FBXW7: variants seen among roughly 807,000 people sequenced by gnomAD.
FBXW7 encodes the protein F-box and WD repeat domain containing 7.
In FBXW7, 11 loss-of-function variants were observed where a neutral mutation model predicts 86.3. The ratio of observed to expected loss-of-function variants is 0.13; its 90% CI spans 0.08 to 0.21. The LOEUF (loss-of-function observed/expected upper bound fraction) is 0.21. Among genes scored for constraint, FBXW7 ranks in the 10% least tolerant of loss-of-function variants. The pLI is 1.00. For missense variants in FBXW7, 488 were observed against 847.4 expected, an observed-to-expected ratio of 0.58 and a Z score of 5.27; for synonymous variants, 313 against 297.9, an observed-to-expected ratio of 1.05 and a Z score of -0.52.
At chr4:152,511,271 A>G (rs1747938914) in intron 2 of FBXW7, among the ~76,000 whole-genome samples, 1 of 152,038 alleles carries the variant, frequency 6.6e-6, no homozygotes, top group African/African-American at 2.4e-5. Context: ...CACCTGGGTT[A>G]GCATCCTGAC....
At chr4:152,501,763 TTACTC>T (rs777236907) in intron 2 of FBXW7, among the ~76,000 whole-genome samples, 24 of 152,148 alleles carry the variant, frequency 1.6e-4, no homozygotes, top group Non-Finnish European at 3.1e-4. Flanking sequence ...TTAAACAAAA[TTACTC>T]TCTTTTTTTG....
At chr4:152,369,970 A>G (rs1733863829) in intron 4 of FBXW7, among the ~76,000 whole-genome samples, 1 of 152,014 alleles carries the variant, frequency 6.6e-6, no homozygotes, top group African/African-American at 2.4e-5. Context: ...TCCTTTAAAA[A>G]AGCAAGATAT....
At chr4:152,365,094 C>T (rs1733347470) in intron 4 of FBXW7, among the ~76,000 whole-genome samples, 2 of 152,056 alleles carry the variant, frequency 1.3e-5, no homozygotes, top group Admixed American at 1.3e-4. Context: ...GGTGAGGTTT[C>T]CACCTAGTCT....
intron 2 of FBXW7, among the ~76,000 whole-genome samples, chr4:152,481,696 A>T (rs902889902): frequency 6.6e-6 from 1 of 152,194 alleles, no homozygotes; most frequent in Admixed American, 6.5e-5. Context: ...ACCCTCATGG[A>T]TGTGAGGAGC....
At chr4:152,398,089 A>G (rs1442057644) in intron 4 of FBXW7, among the ~76,000 whole-genome samples, 1 of 151,812 alleles carries the variant, frequency 6.6e-6, no homozygotes, top group Non-Finnish European at 1.5e-5. Context: ...AAAAACAAAA[A>G]CCCTAGGTAT....
rs1323350704 is a variant in FBXW7 at position 152,526,765 on chromosome 4, A to G, written c.-120+8176T>C. 2.0e-5 allele frequency among the ~76,000 whole-genome samples: 3 copies of G among 152,218 alleles called. No homozygotes were observed. The East Asian group carries it at 5.8e-4, about 29-fold the overall frequency. ...CACTATCATAATCACTAACTATTCA[A>G]AAACGGATTCTTTTCTGGTCCATGC... On this transcript the variant is annotated intron_variant, in intron 2 of 13. Coordinates refer to ENST00000281708, the MANE Select transcript of FBXW7 (RefSeq NM_001349798.2).
At position 152,413,273 on chromosome 4, in the gene FBXW7, T is replaced by C. The variant is rs576644938; in HGVS notation, c.-119-744A>G. Among the ~76,000 whole-genome samples the C allele has an allele frequency of 2.6e-5, 4 of 152,188 alleles. No individual in the cohort carries two copies. The South Asian group carries it at 6.2e-4, about 24-fold the overall frequency. The stretch of plus-strand genomic sequence containing the variant: ...TGTCAAGATATATCAAATATTAATA[T>C]AGAACTTATTATTTTATCGGTAACT... On this transcript the variant is annotated intron_variant, in intron 2 of 13. Coordinates refer to ENST00000281708, the MANE Select transcript of FBXW7 (RefSeq NM_001349798.2).
At chr4:152,468,725 A>G (rs78974257) in intron 2 of FBXW7, among the ~76,000 whole-genome samples, 2,084 of 152,258 alleles carry the variant, frequency 0.014, 26 homozygotes, top group Middle Eastern at 0.037. Context: ...CTCCTGGTAT[A>G]TAAATTTCAT....
intron 2 of FBXW7, among the ~76,000 whole-genome samples, chr4:152,460,152 T>C (rs1338991807): frequency 3.9e-5 from 6 of 152,228 alleles, no homozygotes; most frequent in Non-Finnish European, 8.8e-5. Context: ...TTTACCACAT[T>C]TTTAAGTTTT....
rs200879984 is a variant in FBXW7, at chr4:152,435,056, C to T, written c.-119-22527G>A. ...ATGCAAAAGGTTTGGAAACTACTAA[C>T]GAGAGGCCTGGGGAGGGGAGGGGAG... On this transcript the variant is annotated intron_variant, in intron 2 of 13. Transcript: ENST00000281708. 8.8e-4 allele frequency among the ~76,000 whole-genome samples: 67 copies of T among 76,446 alleles called. No individual in the cohort carries two copies. In the East Asian group the frequency reaches 0.014, roughly 16 times the overall value. 50.2% of individuals were successfully genotyped at this position (76,446 alleles called of 152,430 possible). A position where few individuals can be genotyped will look rare whatever the true frequency, so the allele number is the denominator to read the frequency against.
intron 6 of FBXW7, among the ~76,000 whole-genome samples, chr4:152,346,431 T>A (rs1040159563): frequency 1.3e-5 from 2 of 152,120 alleles, no homozygotes; most frequent in Non-Finnish European, 2.9e-5. Flanking sequence ...ATAAAAAAAA[T>A]GTCAGTGCAC....
In FBXW7 at chr4:152,352,461, C is replaced by T. The variant is rs757157017; in HGVS notation, c.502-2337G>A. ...ATCACATAGCATAGGAAGAAAACAG[C>T]TTACTTACTTTGTAAAAAATCATTT... On this transcript the variant is annotated intron_variant, in intron 4 of 13. Transcript: ENST00000281708. 23 of 1,613,606 alleles carry T rather than the reference C, an allele frequency of 1.4e-5. 1 individual carries two copies. In the South Asian group the frequency reaches 2.5e-4, roughly 18 times the overall value.
intron 4 of FBXW7, among the ~76,000 whole-genome samples, chr4:152,357,325 C>G (rs201424454): frequency 2.9e-4 from 40 of 139,288 alleles, no homozygotes; most frequent in African/African-American, 9.3e-4. Flanking sequence ...GTAGTTTTTT[C>G]TTTTTTTTTT....
chr4:152,373,663 G>A (rs1042061229), intron 4 of FBXW7, among the ~76,000 whole-genome samples: 2 of 151,898 alleles, frequency 1.3e-5, no homozygotes, highest in African/African-American at 2.4e-5. Context: ...TTTAATTCAG[G>A]GTTACTGTGA....
At chr4:152,479,208 T>C (rs1020163095) in intron 2 of FBXW7, among the ~76,000 whole-genome samples, 1 of 152,138 alleles carries the variant, frequency 6.6e-6, no homozygotes, top group African/African-American at 2.4e-5. Flanking sequence ...AAATATTTTA[T>C]ATTTACTGAT....
rs2126649352 is a variant in FBXW7, at chr4:152,350,062, G to C, written c.564C>G (p.Cys188Trp). 6.4e-7 allele frequency: 1 copy of C among 1,556,996 alleles called. No homozygotes were observed. Among genetic ancestry groups the C allele is most frequent in the Non-Finnish European group, 8.7e-7 (1 of 1,144,548 alleles). Reference protein sequence around the residue: ...VRSFSLGKKPCKVSEYTSTTG... With the variant: ...VRSFSLGKKPWKVSEYTSTTG... Reference sequence around the variant, plus strand: ...ATTACCTTGTATATTCTGAGACTTTGCATGGTTTCTTTCCCAAAGAAAAAG... The same window carrying C: ...ATTACCTTGTATATTCTGAGACTTTCCATGGTTTCTTTCCCAAAGAAAAAG... The change falls in exon 5 of 14, where the codon TGC becomes TGG. Residue 188 changes from cysteine to tryptophan, a missense_variant. By Grantham distance (215) the Cys-to-Trp change is radical. This residue lies in a region of FBXW7 where 230 missense variants were observed against 240.0 expected (regional missense o/e 0.96). Coordinates refer to ENST00000281708, the MANE Select transcript of FBXW7 (RefSeq NM_001349798.2).
At chr4:152,439,376 T>C (rs1579202675) in intron 2 of FBXW7, among the ~76,000 whole-genome samples, 1 of 152,080 alleles carries the variant, frequency 6.6e-6, no homozygotes, top group African/African-American at 2.4e-5. Flanking sequence ...TCCTAGAACT[T>C]AGAACTAACT....
At chr4:152,504,877 A>G (rs1747271306) in intron 2 of FBXW7, among the ~76,000 whole-genome samples, 2 of 152,218 alleles carry the variant, frequency 1.3e-5, no homozygotes, top group Admixed American at 1.3e-4. Context: ...TAAATATCTT[A>G]AAATTAATTC....
At chr4:152,481,877 C>CTT (rs1744915382) in intron 2 of FBXW7, among the ~76,000 whole-genome samples, 1 of 152,150 alleles carries the variant, frequency 6.6e-6, no homozygotes, top group African/African-American at 2.4e-5. Flanking sequence ...TAGATGGAAT[C>CTT]CACTTTTGGT....
Sources: gnomAD v4.1 joint callset for allele counts (sites outside exome capture counted in the v4.1 genomes callset) on GRCh38, gnomAD v4.1.1 for gene constraint, gnomAD v4.1.1 regional missense constraint, MANE v1.5 for transcripts, NCBI Gene and HGNC (gene_info 2026-07-23, HGNC 2026-07-21) for gene names.